Variants in CTCFL observed in about 807,000 individuals in gnomAD.
CTCFL encodes CCCTC-binding factor like.
In CTCFL, 36 loss-of-function variants were observed where a neutral mutation model predicts 67.4. The observed-to-expected ratio is 0.53, with a 90% CI of 0.41 to 0.71. The LOEUF is 0.71. Among genes scored for constraint, CTCFL ranks in the 30% least tolerant of loss-of-function variants. CTCFL has a pLI of 0.00. For missense variants in CTCFL, 786 were observed against 835.2 expected (o/e 0.94, Z 0.73); for synonymous variants, 324 against 302.3 (o/e 1.07, Z -0.75).
Position 57,497,956 on chromosome 20 carries a change from A to G in CTCFL, c.*594T>C, listed in dbSNP as rs879004661. On this transcript the variant is annotated 3_prime_UTR_variant, in exon 11 of 11. Transcript: ENST00000243914. Reference sequence around the variant, plus strand: ...CATTTCCTACTCAGTTTTCCTTTTTATAAGAGTAAAACATTTTTTGGTTGA... The same window carrying G: ...CATTTCCTACTCAGTTTTCCTTTTTGTAAGAGTAAAACATTTTTTGGTTGA... 1.1e-6 allele frequency: 1 copy of G among 935,772 alleles called. No individual in the cohort carries two copies. The highest frequency in any genetic ancestry group is 6.2e-5 in the Admixed American group (1 of 16,226). The allele number at this position is 935,772 out of a possible 1,614,324, so 58.0% of individuals were successfully genotyped here.
At chr20:57,515,858 C>A (rs181739781) in intron 5 of CTCFL, 24 bp from the exon 6 acceptor site, 5 of 1,593,872 alleles carry the variant, frequency 3.1e-6, no homozygotes. Flanking sequence ...AAATGATGTT[C>A]GTTGCAATAG....
rs2067743719 is a variant in CTCFL, at chr20:57,497,651, T to C, written c.*899A>G. 2 of 985,322 alleles carry C rather than the reference T, an allele frequency of 2.0e-6. No individual in the cohort carries two copies. Among genetic ancestry groups the C allele is most frequent in the Admixed American group, 6.1e-5 (1 of 16,270 alleles). 61.0% of individuals were successfully genotyped at this position (985,322 alleles called of 1,614,324 possible). On this transcript the variant is annotated 3_prime_UTR_variant, in exon 11 of 11. Transcript: ENST00000243914. ...AATACTCACTAATCACTGGGCATTA[T>C]GAAAAAGTACAAATTCCTTACAGGT...
intron 9 of CTCFL, among the ~76,000 whole-genome samples, chr20:57,504,193 G>A (rs530214643): frequency 2.6e-5 from 4 of 151,622 alleles, no homozygotes; most frequent in Admixed American, 2.0e-4. Context: ...AGCCAGGATG[G>A]TCTCGATCTC....
intron 6 of CTCFL, chr20:57,514,993 C>T: frequency 1.9e-6 from 1 of 517,284 alleles, no homozygotes; most frequent in East Asian, 3.1e-5. Context: ...AGGTGGTTCA[C>T]ATCCATGGGG....
intron 8 of CTCFL, 63 bp downstream of exon 8, chr20:57,512,529 T>A (rs964124050): frequency 7.8e-6 from 12 of 1,531,344 alleles, no homozygotes; most frequent in Non-Finnish European, 9.9e-6. Flanking sequence ...TGGTAGAGAA[T>A]CCCACCCAGC....
intron 8 of CTCFL, among the ~76,000 whole-genome samples, chr20:57,510,910 T>A (rs912032827): frequency 6.6e-5 from 10 of 152,172 alleles, no homozygotes; most frequent in Non-Finnish European, 1.3e-4. Flanking sequence ...TGCTCTTCCC[T>A]CAGTCCACTG....
At chr20:57,514,105 A>G (rs2068744546) in intron 7 of CTCFL, among the ~76,000 whole-genome samples, 1 of 152,182 alleles carries the variant, frequency 6.6e-6, no homozygotes, top group Non-Finnish European at 1.5e-5. Flanking sequence ...GACTGTCTTA[A>G]GGGGAAAACT....
downstream of CTCFL, chr20:57,496,425 G>C: frequency 2.0e-6 from 1 of 489,636 alleles, no homozygotes; most frequent in East Asian, 3.2e-5. Flanking sequence ...TTTCTTTATA[G>C]CAATGTGAGA....
At chr20:57,515,948 C>G (rs1050594052) in intron 5 of CTCFL, 114 bp from the exon 6 acceptor site, 2 of 1,200,702 alleles carry the variant, frequency 1.7e-6, no homozygotes, top group African/African-American at 3.1e-5. Context: ...CATCAGAGCA[C>G]CAGAGCATAT....
downstream of CTCFL, chr20:57,496,182 A>G (rs2067722597): frequency 1.9e-6 from 1 of 517,648 alleles, no homozygotes; most frequent in African/African-American, 1.9e-5. Context: ...TCCTCATGAC[A>G]GTGGCGGTTC....
rs1196085373 is a variant in CTCFL at position 57,497,292 on chromosome 20, A to T, written c.*1258T>A. On this transcript the variant is annotated 3_prime_UTR_variant, in exon 11 of 11. Coordinates refer to ENST00000243914, the MANE Select transcript of CTCFL (RefSeq NM_001386993.1). Reference sequence around the variant, plus strand: ...GCATACTACAGCCCACAGAATTTAAATCTCATGTGAGTTGAGTTAAATTAA... The same window carrying T: ...GCATACTACAGCCCACAGAATTTAATTCTCATGTGAGTTGAGTTAAATTAA... 1 of 984,318 alleles carries T rather than the reference A, an allele frequency of 1.0e-6. No individual in the cohort carries two copies. The allele number at this position is 984,318 out of a possible 1,614,324, so 61.0% of individuals were successfully genotyped here.
chr20:57,518,734 C>T, intron 5 of CTCFL, 24 bp downstream of exon 5: 1 of 1,614,106 alleles, frequency 6.2e-7, no homozygotes, highest in Non-Finnish European at 8.5e-7. Flanking sequence ...TGCCATGAAG[C>T]TTCAAGTCCA....
chr20:57,499,592 C>T (rs2067813589), intron 10 of CTCFL: 2 of 165,524 alleles, frequency 1.2e-5, no homozygotes, highest in African/African-American at 4.8e-5. Flanking sequence ...TTTATTATTA[C>T]ATTGTGATAT....
chr20:57,505,548 G>A (rs1412191174), intron 9 of CTCFL, among the ~76,000 whole-genome samples: 4 of 152,180 alleles, frequency 2.6e-5, no homozygotes, highest in South Asian at 2.1e-4. Flanking sequence ...GAGCCACCGC[G>A]CCCGGCCTTA....
chr20:57,507,147 G>T, intron 9 of CTCFL: 1 of 638,958 alleles, frequency 1.6e-6, no homozygotes, highest in Non-Finnish European at 2.0e-6. Context: ...CCCCACTCGA[G>T]TGTGGGTGGG....
chr20:57,503,350 C>A, intron 10 of CTCFL, 86 bp downstream of exon 10: 2 of 1,500,916 alleles, frequency 1.3e-6, no homozygotes, highest in Non-Finnish European at 1.8e-6. Flanking sequence ...TGGACACATC[C>A]CCTGGACAGT....
At chr20:57,504,940 T>C (rs1053806334) in intron 9 of CTCFL, among the ~76,000 whole-genome samples, 1 of 151,984 alleles carries the variant, frequency 6.6e-6, no homozygotes. Flanking sequence ...CTGTAGCTTC[T>C]GCTTCCTTGG....
At chr20:57,511,595 C>CA (rs1172402053) in intron 8 of CTCFL, among the ~76,000 whole-genome samples, 5 of 150,686 alleles carry the variant, frequency 3.3e-5, no homozygotes, top group African/African-American at 1.2e-4. Context: ...TAATCCCCCC[C>CA]CTTTTTTTTT....
chr20:57,508,840 A>C lies in CTCFL; in HGVS notation c.1492-52T>G, dbSNP rs758083037. The C allele has an allele frequency of 4.0e-6, 6 of 1,498,600 alleles. No homozygotes were observed. The South Asian group carries it at 7.0e-5, about 17-fold the overall frequency. The allele number at this position is 1,498,600 out of a possible 1,614,324, so 92.8% of individuals were successfully genotyped here. A position where few individuals can be genotyped will look rare whatever the true frequency, so the allele number is the denominator to read the frequency against. On this transcript the variant is annotated intron_variant, in intron 8 of 10. Transcript: ENST00000243914. ...TTGTCTAGTTCAAAGGGTTTTCTCGATATTAGACACTGTTTATCATACAAT... is the reference window on the plus strand; with the variant it reads ...TTGTCTAGTTCAAAGGGTTTTCTCGCTATTAGACACTGTTTATCATACAAT...
Sources: allele counts gnomAD v4.1 joint callset (sites outside exome capture counted in the v4.1 genomes callset), GRCh38; gene constraint gnomAD v4.1.1; transcripts MANE v1.5; gene names NCBI Gene and HGNC (gene_info 2026-07-23, HGNC 2026-07-21).